The following CAMK2B variants were observed in gnomAD, a reference collection of about 807,000 sequenced individuals.
CAMK2B encodes calcium/calmodulin dependent protein kinase II beta.
A neutral mutation model predicts 93.7 loss-of-function variants in CAMK2B; 27 were observed. The ratio of observed to expected loss-of-function variants is 0.29; its 90% CI spans 0.21 to 0.40. The LOEUF is 0.40. Among genes scored for constraint, CAMK2B ranks in the 10% least tolerant of loss-of-function variants. The pLI is 1.00. For synonymous variants in CAMK2B, 374 were observed against 358.8 expected (o/e 1.04, Z -0.48); for missense variants, 568 against 895.8 (o/e 0.63, Z 4.67).
At chr7:44,277,501 C>T (rs905549153) in intron 2 of CAMK2B, among the ~76,000 whole-genome samples, 13 of 152,266 alleles carry the variant, frequency 8.5e-5, no homozygotes, top group South Asian at 6.2e-4. Flanking sequence ...TGCTACCAGC[C>T]GCTTCTCATC....
In CAMK2B at chr7:44,230,713, C is replaced by T. The variant is rs373030478; in HGVS notation, c.1225+293G>A. Among the ~76,000 whole-genome samples the T allele has an allele frequency of 7.9e-5, 12 of 152,348 alleles. No homozygotes were observed. The South Asian group carries it at 1.7e-3, about 21-fold the overall frequency. The stretch of plus-strand genomic sequence containing the variant: ...AATTCTACCCATGGGCCTGTTTCCC[C>T]GTGAGGGTCCTGGTGTGGAGAACCT... On this transcript the variant is annotated intron_variant, in intron 17 of 23. Coordinates refer to ENST00000395749, the MANE Select transcript of CAMK2B (RefSeq NM_001220.5).
intron 1 of CAMK2B, among the ~76,000 whole-genome samples, chr7:44,307,757 C>T (rs922439713): frequency 1.3e-4 from 20 of 152,132 alleles, no homozygotes; most frequent in Non-Finnish European, 2.4e-4. Flanking sequence ...CTGAGGGGAA[C>T]GCTGAGAGCT....
intron 12 of CAMK2B, 37 bp downstream of exon 12, chr7:44,240,670 G>A (rs1314204379): frequency 6.2e-7 from 1 of 1,610,486 alleles, no homozygotes; most frequent in African/African-American, 1.3e-5. Context: ...CAGCAGGGAG[G>A]GGGCAGCGCC....
intron 2 of CAMK2B, among the ~76,000 whole-genome samples, chr7:44,278,580 G>A (rs935908257): frequency 2.6e-5 from 4 of 152,172 alleles, no homozygotes; most frequent in African/African-American, 9.7e-5. Context: ...GGCAGCCCAG[G>A]GCAGCAGAGG....
In CAMK2B at chr7:44,224,748, A is replaced by C. The variant is rs944328269; in HGVS notation, c.1597+1768T>G. Among the ~76,000 whole-genome samples, 3 of 151,992 alleles carry C rather than the reference A, an allele frequency of 2.0e-5. No homozygotes were observed. Among genetic ancestry groups the C allele is most frequent in the Non-Finnish European group, 4.4e-5 (3 of 67,970 alleles). Reference sequence around the variant, plus strand: ...CAGGCTGGATTGTGTATAATCCGCGATTAGAGAGCGTGGGTGGGGAGGAGA... The same window carrying C: ...CAGGCTGGATTGTGTATAATCCGCGCTTAGAGAGCGTGGGTGGGGAGGAGA... On this transcript the variant is annotated intron_variant, in intron 20 of 23. Transcript: ENST00000395749. This position sits in a 1 kb window ranked among gnomAD's most constrained non-coding sequence, Gnocchi z 4.4.
At chr7:44,241,076 G>T (rs2096673390) in intron 11 of CAMK2B, among the ~76,000 whole-genome samples, 1 of 152,184 alleles carries the variant, frequency 6.6e-6, no homozygotes, top group African/African-American at 2.4e-5. Context: ...CTCCCTGACA[G>T]CCCCTTCTTT....
At position 44,279,084 on chromosome 7, in the gene CAMK2B, C is replaced by A. The variant is rs1053292542; in HGVS notation, c.160+5047G>T. 9.2e-3 allele frequency among the ~76,000 whole-genome samples: 1,404 copies of A among 152,314 alleles called. 29 individuals carry two copies. Among genetic ancestry groups the A allele is most frequent in the African/African-American group, 0.032 (1,337 of 41,572 alleles). ...TCATTAGAAACACAAACACAGGCTG[C>A]ATATGAGATGGTATCAAGGAATTAC... is the stretch of plus-strand genomic sequence containing the variant. On this transcript the variant is annotated intron_variant, in intron 2 of 23. Transcript: ENST00000395749.
intron 2 of CAMK2B, among the ~76,000 whole-genome samples, chr7:44,276,918 A>G (rs1223651343): frequency 6.6e-6 from 1 of 152,200 alleles, no homozygotes; most frequent in Non-Finnish European, 1.5e-5. Context: ...GCCCACGCTC[A>G]GCTCAGAGGG....
chr7:44,258,898 C>T lies in CAMK2B; in HGVS notation c.249G>A (p.Glu83=). The T allele has an allele frequency of 6.2e-7, 1 of 1,614,046 alleles. No homozygotes were observed. The highest frequency in any genetic ancestry group is 8.5e-7 in the Non-Finnish European group (1 of 1,179,970). Residue 83 remains glutamate (E), a synonymous_variant, in exon 4 of 24, where the codon GAG becomes GAA. Transcript: ENST00000395749. ...GATCGAAGACCAGGTAGTGGAAGCC[C>T]TCCTCGGAGATGCTGTCGTGGAGAC... ...IVRLHDSISE[E]GFHYLVFDLV... is the part of the protein sequence containing the mutation.
At chr7:44,266,634 C>G (rs578013089) in intron 2 of CAMK2B, among the ~76,000 whole-genome samples, 1 of 152,188 alleles carries the variant, frequency 6.6e-6, no homozygotes, top group Admixed American at 6.5e-5. Context: ...GAGCAGGTCC[C>G]GAGGCCAGCA....
At chr7:44,300,602 T>A (rs1485111827) in intron 1 of CAMK2B, among the ~76,000 whole-genome samples, 1 of 152,124 alleles carries the variant, frequency 6.6e-6, no homozygotes, top group African/African-American at 2.4e-5. Context: ...AACATGTACA[T>A]ACCTAACACA....
intron 1 of CAMK2B, among the ~76,000 whole-genome samples, chr7:44,304,052 T>C (rs2129185432): frequency 6.6e-6 from 1 of 152,344 alleles, no homozygotes; most frequent in African/African-American, 2.4e-5. Flanking sequence ...GCTATCACTA[T>C]ACACCTATTA....
intron 13 of CAMK2B, among the ~76,000 whole-genome samples, chr7:44,237,833 C>G (rs2096640493): frequency 6.6e-6 from 1 of 152,212 alleles, no homozygotes; most frequent in Non-Finnish European, 1.5e-5. Flanking sequence ...GAGAGACCCT[C>G]TGCCCTCCAT....
Position 44,248,157 on chromosome 7 carries a change from G to A in CAMK2B, c.342-965C>T, listed in dbSNP as rs1194104073. Among the ~76,000 whole-genome samples, 1 of 152,236 alleles carries A rather than the reference G, an allele frequency of 6.6e-6. No homozygotes were observed. Among genetic ancestry groups the A allele is most frequent in the Non-Finnish European group, 1.5e-5 (1 of 68,040 alleles). ...CCCAGGGATCTGAGGGGCTGGGCAGGGGGCTGTGTGTGCACAGCACTGAGC... is the reference window on the plus strand; with the variant it reads ...CCCAGGGATCTGAGGGGCTGGGCAGAGGGCTGTGTGTGCACAGCACTGAGC... On this transcript the variant is annotated intron_variant, in intron 5 of 23. Transcript: ENST00000395749. The surrounding 1 kb of genome is among the most constrained non-coding windows in gnomAD (Gnocchi z 4.1).
chr7:44,283,185 T>G (rs1784176551), intron 2 of CAMK2B, among the ~76,000 whole-genome samples: 1 of 152,246 alleles, frequency 6.6e-6, no homozygotes, highest in African/African-American at 2.4e-5. Context: ...CCTCCTCAGA[T>G]CTGTGCTCCA....
At chr7:44,278,295 G>A (rs578238484) in intron 2 of CAMK2B, among the ~76,000 whole-genome samples, 1 of 152,348 alleles carries the variant, frequency 6.6e-6, no homozygotes, top group South Asian at 2.1e-4. Flanking sequence ...GCAGCGATGT[G>A]GAGAGGGATG....
At position 44,232,708 on chromosome 7, in the gene CAMK2B, G is replaced by A. The variant is rs376482819; in HGVS notation, c.1176+114C>T. 1.5e-4 allele frequency: 133 copies of A among 882,702 alleles called. No homozygotes were observed. The African/African-American group carries it at 4.8e-3, about 32-fold the overall frequency. The allele number at this position is 882,702 out of a possible 1,614,324, so 54.7% of individuals were successfully genotyped here. On this transcript the variant is annotated intron_variant, in intron 16 of 23. Coordinates refer to ENST00000395749, the MANE Select transcript of CAMK2B (RefSeq NM_001220.5). ...GCCCTACCGTACTGCGGGGAGGGGC[G>A]GCCAGGGCATGGGACATCTGCCCTC... is the stretch of plus-strand genomic sequence containing the variant.
intron 19 of CAMK2B, among the ~76,000 whole-genome samples, chr7:44,227,959 G>A (rs918836031): frequency 1.2e-4 from 18 of 144,404 alleles, no homozygotes; most frequent in Admixed American, 5.4e-4. Flanking sequence ...ATGGGGGGAC[G>A]GAGGGAGACA....
At chr7:44,253,805 C>T (rs560200868) in intron 5 of CAMK2B, among the ~76,000 whole-genome samples, 2 of 151,950 alleles carry the variant, frequency 1.3e-5, no homozygotes, top group South Asian at 4.2e-4. Flanking sequence ...ATTATATTGC[C>T]CAGGCTAGTC....
Sources: allele counts gnomAD v4.1 joint callset (sites outside exome capture counted in the v4.1 genomes callset), GRCh38; gene constraint gnomAD v4.1.1; non-coding constraint Gnocchi (gnomAD v3.1); transcripts MANE v1.5; gene names NCBI Gene and HGNC (gene_info 2026-07-23, HGNC 2026-07-21).